The following PXDNL variants were observed in gnomAD, a reference collection of about 807,000 sequenced individuals.
PXDNL encodes peroxidasin like.
Under a neutral mutation model 150.8 loss-of-function variants are expected in PXDNL, and 145 were observed. The observed-to-expected ratio is 0.96, with a 90% CI of 0.84 to 1.10. The LOEUF is 1.10. Ranked by LOEUF, PXDNL falls within the 50% of genes least tolerant of loss-of-function variation. The pLI, the probability that PXDNL is intolerant of heterozygous loss-of-function variation, is 0.00. For synonymous variants in PXDNL, 757 were observed against 725.7 expected (o/e 1.04, Z -0.69); for missense variants, 2,087 against 1,873.9 (o/e 1.11, Z -2.10).
chr8:51,657,671 C>T (rs1815180071), intron 1 of PXDNL, among the ~76,000 whole-genome samples: 1 of 152,206 alleles, frequency 6.6e-6, no homozygotes, highest in Admixed American at 6.5e-5. Flanking sequence ...AGGGTAGGTA[C>T]ATTTTCAGTT....
intron 2 of PXDNL, among the ~76,000 whole-genome samples, chr8:51,629,298 A>G (rs968201186): frequency 6.6e-6 from 1 of 152,190 alleles, no homozygotes; most frequent in African/African-American, 2.4e-5. Flanking sequence ...GACAGTTTCA[A>G]CAGCACATTT....
rs1406584376 is a variant in PXDNL, at chr8:51,533,830, C to A, written c.380+23010G>T. On this transcript the variant is annotated intron_variant, in intron 4 of 22. Transcript: ENST00000356297. Reference sequence around the variant, plus strand: ...GGAGTGCAGTGGCGTGATCTCGGCTCGCTACAACCTCCACCTCCCAGCCGC... The same window carrying A: ...GGAGTGCAGTGGCGTGATCTCGGCTAGCTACAACCTCCACCTCCCAGCCGC... Among the ~76,000 whole-genome samples the A allele has an allele frequency of 2.7e-5, 4 of 150,536 alleles. No homozygotes were observed. In the East Asian group the frequency reaches 8.1e-4, roughly 31 times the overall value.
intron 1 of PXDNL, among the ~76,000 whole-genome samples, chr8:51,696,830 C>CATCCACATACAGGTCCACGCACAT (rs1816152381): frequency 1.3e-5 from 2 of 149,650 alleles, no homozygotes; most frequent in African/African-American, 2.5e-5. Flanking sequence ...CACACACACA[C>CATCCACATACAGGTCCACGCACAT]ACACACACAG....
intron 12 of PXDNL, chr8:51,435,665 A>G (rs1416942662): frequency 4.4e-6 from 1 of 229,766 alleles, no homozygotes; most frequent in Non-Finnish European, 9.3e-6. Flanking sequence ...CCCAGAAAGA[A>G]GCGAAAAAGA....
intron 1 of PXDNL, among the ~76,000 whole-genome samples, chr8:51,740,460 A>T (rs1245740832): frequency 1.3e-5 from 2 of 152,168 alleles, no homozygotes; most frequent in Non-Finnish European, 2.9e-5. Context: ...AGTGTAAAAG[A>T]GTTCCTATTC....
chr8:51,798,968 T>C (rs534706918), intron 1 of PXDNL, among the ~76,000 whole-genome samples: 4 of 152,132 alleles, frequency 2.6e-5, no homozygotes, highest in Non-Finnish European at 5.9e-5. Context: ...TTCACAATAG[T>C]TAAGACATGG....
At chr8:51,488,158 A>G (rs922516415) in intron 5 of PXDNL, among the ~76,000 whole-genome samples, 1 of 152,272 alleles carries the variant, frequency 6.6e-6, no homozygotes, top group Non-Finnish European at 1.5e-5. Context: ...AGGATGCTTA[A>G]TAAGAAAAAA....
rs147906071 is a variant in PXDNL at position 51,559,700 on chromosome 8, T to G, written c.309-2789A>C. 6.0e-4 allele frequency among the ~76,000 whole-genome samples: 91 copies of G among 152,080 alleles called. 1 individual carries two copies. The East Asian group carries it at 0.011, about 18-fold the overall frequency. The stretch of plus-strand genomic sequence containing the variant: ...ACAACAAAGGGTGAGAGTACCATCC[T>G]GATGAGAACTTAAGATTGAGGAAAT... On this transcript the variant is annotated intron_variant, in intron 3 of 22. Transcript: ENST00000356297.
At chr8:51,449,404 G>T (rs1809754188) in intron 10 of PXDNL, among the ~76,000 whole-genome samples, 1 of 152,118 alleles carries the variant, frequency 6.6e-6, no homozygotes. Context: ...AATCATATTG[G>T]TTATCATTTT....
chr8:51,711,187 C>T (rs543902583), intron 1 of PXDNL, among the ~76,000 whole-genome samples: 4 of 152,116 alleles, frequency 2.6e-5, no homozygotes, highest in Non-Finnish European at 5.9e-5. Flanking sequence ...GTCACCCAGG[C>T]GGGAGTGCAA....
At chr8:51,673,601 G>A (rs1472406328) in intron 1 of PXDNL, among the ~76,000 whole-genome samples, 1 of 152,144 alleles carries the variant, frequency 6.6e-6, no homozygotes, top group African/African-American at 2.4e-5. Flanking sequence ...TTGACTATGG[G>A]CATTTTGATA....
chr8:51,600,423 GATA>G (rs1813679399), intron 2 of PXDNL, among the ~76,000 whole-genome samples: 1 of 134,948 alleles, frequency 7.4e-6, no homozygotes, highest in Non-Finnish European at 1.5e-5. Flanking sequence ...ATATCGTTTA[GATA>G]ATAAATTATA....
chr8:51,675,558 G>A (rs1053776344), intron 1 of PXDNL, among the ~76,000 whole-genome samples: 5 of 152,028 alleles, frequency 3.3e-5, no homozygotes, highest in Non-Finnish European at 5.9e-5. Flanking sequence ...ACTTTGGGAG[G>A]CAGAGGCAGG....
chr8:51,538,147 C>G (rs527704329), intron 4 of PXDNL, among the ~76,000 whole-genome samples: 2 of 152,180 alleles, frequency 1.3e-5, no homozygotes, highest in Non-Finnish European at 2.9e-5. Flanking sequence ...CTCCAGCCCT[C>G]GTATCCCTGA....
At chr8:51,358,847 G>GA (rs1242474284) in intron 19 of PXDNL, among the ~76,000 whole-genome samples, 5 of 152,264 alleles carry the variant, frequency 3.3e-5, no homozygotes, top group Admixed American at 2.0e-4. Context: ...GAACCCTGGG[G>GA]AAAAATGCAG....
At chr8:51,481,138 G>A (rs1810595671) in intron 6 of PXDNL, among the ~76,000 whole-genome samples, 1 of 152,170 alleles carries the variant, frequency 6.6e-6, no homozygotes, top group South Asian at 2.1e-4. Context: ...GCAGATGTGG[G>A]AAAGCTTGGA....
rs1181073731 is a variant in PXDNL at position 51,411,298 on chromosome 8, T to G, written c.2014A>C (p.Ile672Leu). 6.4e-7 allele frequency: 1 copy of G among 1,561,194 alleles called. No homozygotes were observed. Among genetic ancestry groups the G allele is most frequent in the African/African-American group, 1.4e-5 (1 of 72,058 alleles). The change falls in exon 16 of 23, where the codon ATA becomes CTA. Residue 672 changes from isoleucine to leucine, a missense_variant. Transcript: ENST00000356297. ...GEIFEHTLQL[I>L]RERVKQGLTV... ...AGCCCCTGCTTCACACGTTCCCGTATCAGCTGCAGCGTGTGCTCAAAAATC... is the reference window on the plus strand; with the variant it reads ...AGCCCCTGCTTCACACGTTCCCGTAGCAGCTGCAGCGTGTGCTCAAAAATC...
At chr8:51,368,901 C>A (rs759816324) in intron 19 of PXDNL, among the ~76,000 whole-genome samples, 1 of 152,052 alleles carries the variant, frequency 6.6e-6, no homozygotes, top group South Asian at 2.1e-4. Flanking sequence ...GAGGCTGAGG[C>A]AGGAGAATCA....
At chr8:51,615,618 G>T (rs1195604196) in intron 2 of PXDNL, among the ~76,000 whole-genome samples, 1 of 152,134 alleles carries the variant, frequency 6.6e-6, no homozygotes, top group Non-Finnish European at 1.5e-5. Flanking sequence ...CAAGAATTTA[G>T]TTTGAGAGTT....
Sources: allele counts gnomAD v4.1 joint callset (sites outside exome capture counted in the v4.1 genomes callset), GRCh38; gene constraint gnomAD v4.1.1; transcripts MANE v1.5; gene names NCBI Gene and HGNC (gene_info 2026-07-23, HGNC 2026-07-21).